TP73: variants seen among roughly 807,000 people sequenced by gnomAD.
TP73 encodes the protein p53-like transcription factor.
In TP73, 25 loss-of-function variants were observed where a neutral mutation model predicts 62.5. That is an observed-to-expected ratio of 0.40 (90% CI 0.29 to 0.56). The LOEUF is 0.56. TP73 is among the 20% of genes least tolerant of loss of function. The pLI, the probability that TP73 is intolerant of heterozygous loss-of-function variation, is 0.46. For synonymous variants in TP73, 423 were observed against 377.5 expected, an observed-to-expected ratio of 1.12 and a Z score of -1.40; for missense variants, 754 against 913.3, an observed-to-expected ratio of 0.83 and a Z score of 2.25.
At chr1:3,722,313 C>A in intron 5 of TP73, 106 bp downstream of exon 5, 1 of 1,365,324 alleles carries the variant, frequency 7.3e-7, no homozygotes, top group Non-Finnish European at 1.0e-6. Flanking sequence ...ACAGCATGGG[C>A]TTAGCCATTC....
chr1:3,705,744 C>CACTCAGTGGAGG (rs1482350073), intron 3 of TP73, among the ~76,000 whole-genome samples: 2 of 152,250 alleles, frequency 1.3e-5, no homozygotes, highest in African/African-American at 4.8e-5. Flanking sequence ...CGTTGGACTG[C>CACTCAGTGGAGG]ACTCAGTGGA....
At chr1:3,680,107 C>T (rs886434418) in intron 1 of TP73, among the ~76,000 whole-genome samples, 2 of 152,176 alleles carry the variant, frequency 1.3e-5, no homozygotes, top group East Asian at 1.9e-4. Flanking sequence ...CTCTCTGTCT[C>T]TGTCTCTCTC....
chr1:3,666,613 C>T lies in TP73; in HGVS notation c.-34+13972C>T, dbSNP rs1449351378. Among the ~76,000 whole-genome samples, 1 of 152,106 alleles carries T rather than the reference C, an allele frequency of 6.6e-6. No individual in the cohort carries two copies. Among genetic ancestry groups the T allele is most frequent in the Non-Finnish European group, 1.5e-5 (1 of 68,004 alleles). On this transcript the variant is annotated intron_variant, in intron 1 of 13. Transcript: ENST00000378295. The surrounding 1 kb of genome is among the most constrained non-coding windows in gnomAD (Gnocchi z 6.4). Reference sequence around the variant, plus strand: ...CTGCTGGCTCCCTCCCCACCACCTCCTGCCCACCTCCCTGGCCTTGGCTGC... The same window carrying T: ...CTGCTGGCTCCCTCCCCACCACCTCTTGCCCACCTCCCTGGCCTTGGCTGC...
At chr1:3,705,318 AC>A (rs1397322121) in intron 3 of TP73, among the ~76,000 whole-genome samples, 1 of 152,232 alleles carries the variant, frequency 6.6e-6, no homozygotes, top group Non-Finnish European at 1.5e-5. Context: ...CATTCAGTGA[AC>A]CCTGGGCTCC....
chr1:3,727,982 T>C (rs2124522970), intron 8 of TP73, 147 bp from the exon 9 acceptor site: 1 of 1,148,332 alleles, frequency 8.7e-7, no homozygotes, highest in East Asian at 2.5e-5. Context: ...GCACCGCAGG[T>C]TTGCCCGTCC....
rs1044589124 is a variant in TP73 at position 3,718,728 on chromosome 1, C to G, written c.430-3293C>G. Among the ~76,000 whole-genome samples, 42 of 152,284 alleles carry G rather than the reference C, an allele frequency of 2.8e-4. 1 individual carries two copies. Among genetic ancestry groups the G allele is most frequent in the Middle Eastern group, 3.4e-3 (1 of 294 alleles). On this transcript the variant is annotated intron_variant, in intron 4 of 13. Coordinates refer to ENST00000378295, the MANE Select transcript of TP73 (RefSeq NM_005427.4). ...CTGGCTGAGGAGCCCAGGCGGCCTC[C>G]CCTCCCCCTGAGTGTCTGGGGCTCC...
At chr1:3,714,675 G>A (rs1330158567) in intron 4 of TP73, among the ~76,000 whole-genome samples, 1 of 152,260 alleles carries the variant, frequency 6.6e-6, no homozygotes, top group Non-Finnish European at 1.5e-5. Context: ...AGCAAGTTGC[G>A]GGCAGAGGAC....
Position 3,690,850 on chromosome 1 carries a change from G to A in TP73, c.186+7670G>A. On this transcript the variant is annotated intron_variant, in intron 3 of 13. Coordinates refer to ENST00000378295, the MANE Select transcript of TP73 (RefSeq NM_005427.4). ...TTCCCCTCGGGCCGCCCAGATCCAT[G>A]CCTCGTCCCACGGGACACCAGTTCC... 2.6e-6 allele frequency: 4 copies of A among 1,552,630 alleles called. No individual in the cohort carries two copies. The Admixed American group carries it at 5.8e-5, about 23-fold the overall frequency.
chr1:3,712,929 GCCCCTGC>G (rs139040805), intron 4 of TP73, among the ~76,000 whole-genome samples: 36,187 of 151,828 alleles, frequency 0.24, 5,217 homozygotes, highest in East Asian at 0.36. Flanking sequence ...CCCACGAGCA[GCCCCTGC>G]CCCCTGCCCC....
At chr1:3,721,203 C>T (rs562703353) in intron 4 of TP73, among the ~76,000 whole-genome samples, 8 of 152,360 alleles carry the variant, frequency 5.3e-5, no homozygotes, top group South Asian at 4.1e-4. Context: ...GATGGGCAGC[C>T]GGGCCCTGTG....
At chr1:3,729,717 G>A (rs1467129123) in intron 10 of TP73, 3 of 778,234 alleles carry the variant, frequency 3.9e-6, no homozygotes, top group South Asian at 3.0e-5. Context: ...GGCCAGGAGG[G>A]GTGGCCAGAG....
Position 3,670,974 on chromosome 1 carries a change from G to A in TP73, c.-33-11359G>A, listed in dbSNP as rs12059505. ...TCTCTCCATGCGATGGGTGCTGGGA[G>A]GGAGGAGCCCTGGCAGGTCTGGGGA... On this transcript the variant is annotated intron_variant, in intron 1 of 13. Coordinates refer to ENST00000378295, the MANE Select transcript of TP73 (RefSeq NM_005427.4). The surrounding 1 kb of genome is among the most constrained non-coding windows in gnomAD (Gnocchi z 5.9). 0.11 allele frequency among the ~76,000 whole-genome samples: 16,841 copies of A among 152,206 alleles called. 1,956 individuals are homozygous for A. Among genetic ancestry groups the A allele is most frequent in the African/African-American group, 0.29 (12,143 of 41,478 alleles).
intron 1 of TP73, among the ~76,000 whole-genome samples, chr1:3,660,390 C>CTGA (rs1644964117): frequency 6.6e-6 from 1 of 152,350 alleles, no homozygotes; most frequent in East Asian, 1.9e-4. Flanking sequence ...CTACTCACAT[C>CTGA]TGATTTTATG....
intron 2 of TP73, 118 bp from the exon 3 acceptor site, chr1:3,682,942 G>T: frequency 7.3e-7 from 1 of 1,364,890 alleles, no homozygotes; most frequent in Non-Finnish European, 1.0e-6. Flanking sequence ...AATGGGAAGG[G>T]CAGGAGACGT....
chr1:3,664,640 C>A (rs894515359), intron 1 of TP73, among the ~76,000 whole-genome samples: 3 of 152,218 alleles, frequency 2.0e-5, no homozygotes, highest in African/African-American at 7.2e-5. Flanking sequence ...TGGTGCCCAC[C>A]CGCCAGACTG....
rs1285526123 is a variant in TP73, at chr1:3,662,998, G to A, written c.-34+10357G>A. Among the ~76,000 whole-genome samples the A allele has an allele frequency of 1.3e-5, 2 of 152,242 alleles. No individual in the cohort carries two copies. Among genetic ancestry groups the A allele is most frequent in the Admixed American group, 6.5e-5 (1 of 15,288 alleles). ...GCACTGGCATGAGTAATCTGAGGGC[G>A]GCGCTTTCCTCACTGCAGTGGCATC... On this transcript the variant is annotated intron_variant, in intron 1 of 13. Coordinates refer to ENST00000378295, the MANE Select transcript of TP73 (RefSeq NM_005427.4). This position sits in a 1 kb window ranked among gnomAD's most constrained non-coding sequence, Gnocchi z 4.4.
At position 3,728,619 on chromosome 1, in the gene TP73, A is replaced by G. The variant is rs114793815; in HGVS notation, c.1074+402A>G. ...ATGTGGCCTCCAACAGGTGAATTAAATCGGCACAGGCTTGGCTGGGAGTCA... is the reference window on the plus strand; with the variant it reads ...ATGTGGCCTCCAACAGGTGAATTAAGTCGGCACAGGCTTGGCTGGGAGTCA... On this transcript the variant is annotated intron_variant, in intron 9 of 13. Coordinates refer to ENST00000378295, the MANE Select transcript of TP73 (RefSeq NM_005427.4). Among the ~76,000 whole-genome samples, 1,377 of 152,296 alleles carry G rather than the reference A, an allele frequency of 9.0e-3. 22 individuals are homozygous for G. Among genetic ancestry groups the G allele is most frequent in the African/African-American group, 0.032 (1,327 of 41,562 alleles).
At chr1:3,717,456 C>T (rs964244757) in intron 4 of TP73, among the ~76,000 whole-genome samples, 16 of 152,342 alleles carry the variant, frequency 1.1e-4, no homozygotes, top group Admixed American at 2.6e-4. Context: ...CAGGCGGCTC[C>T]GTGTCAACAG....
At chr1:3,657,207 A>T (rs1644883399) in intron 1 of TP73, among the ~76,000 whole-genome samples, 1 of 152,240 alleles carries the variant, frequency 6.6e-6, no homozygotes, top group Non-Finnish European at 1.5e-5. Flanking sequence ...ATCTGAAGCC[A>T]GGTGTGGGCA....
Sources: gnomAD v4.1 joint callset for allele counts (sites outside exome capture counted in the v4.1 genomes callset) on GRCh38, gnomAD v4.1.1 for gene constraint, Gnocchi (gnomAD v3.1) non-coding constraint, MANE v1.5 for transcripts, NCBI Gene and HGNC (gene_info 2026-07-23, HGNC 2026-07-21) for gene names.